Variants in ZFHX4 observed in about 807,000 individuals in gnomAD.
ZFHX4 encodes zinc finger homeobox 4.
In ZFHX4, 56 loss-of-function variants were observed where a neutral mutation model predicts 267.6. The ratio of observed to expected loss-of-function variants is 0.21; its 90% CI spans 0.17 to 0.26. The LOEUF is 0.26. Among genes scored for constraint, ZFHX4 ranks in the 10% least tolerant of loss-of-function variants. ZFHX4 has a pLI of 1.00. For missense variants in ZFHX4, 4,332 were observed against 4,420.0 expected (o/e 0.98, Z 0.56); for synonymous variants, 1,778 against 1,665.6 (o/e 1.07, Z -1.64).
chr8:76,746,698 A>G (rs1809467965), intron 3 of ZFHX4, among the ~76,000 whole-genome samples: 2 of 152,226 alleles, frequency 1.3e-5, no homozygotes, highest in Admixed American at 1.3e-4. Context: ...TTGCAGTCAA[A>G]TACCAGAACA....
chr8:76,738,604 T>C (rs139726786), intron 3 of ZFHX4, among the ~76,000 whole-genome samples: 5,533 of 143,422 alleles, frequency 0.039, 134 homozygotes, highest in Non-Finnish European at 0.056. Flanking sequence ...TTCTTTTTCC[T>C]TCCTTCCTTC....
chr8:76,772,997 A>G (rs1011781175), intron 3 of ZFHX4, among the ~76,000 whole-genome samples: 12 of 152,018 alleles, frequency 7.9e-5, no homozygotes, highest in African/African-American at 2.9e-4. Context: ...TCGTTGTATG[A>G]GGTTATATTT....
At chr8:76,842,880 C>T (rs1383861535) in intron 6 of ZFHX4, 109 bp downstream of exon 6, 1 of 718,956 alleles carries the variant, frequency 1.4e-6, no homozygotes, top group Non-Finnish European at 2.3e-6. Flanking sequence ...AGCTTTTATT[C>T]ATTTTAAACT....
At chr8:76,731,452 T>C (rs1809008673) in intron 3 of ZFHX4, among the ~76,000 whole-genome samples, 1 of 152,142 alleles carries the variant, frequency 6.6e-6, no homozygotes, top group South Asian at 2.1e-4. Context: ...CAGGTTATAG[T>C]TGAGAGTCAG....
intron 1 of ZFHX4, among the ~76,000 whole-genome samples, chr8:76,700,537 G>T (rs1416015818): frequency 6.6e-6 from 1 of 152,156 alleles, no homozygotes; most frequent in African/African-American, 2.4e-5. Flanking sequence ...CATTAGTCAG[G>T]CTCCTTGTAG....
intron 10 of ZFHX4, among the ~76,000 whole-genome samples, chr8:76,859,932 C>T (rs976544724): frequency 1.3e-5 from 2 of 152,004 alleles, no homozygotes; most frequent in African/African-American, 4.8e-5. Flanking sequence ...GAAAACCCAA[C>T]AAAATGATGG....
At chr8:76,779,422 C>T (rs145478034) in intron 4 of ZFHX4, among the ~76,000 whole-genome samples, 2 of 152,152 alleles carry the variant, frequency 1.3e-5, no homozygotes, top group African/African-American at 2.4e-5. Flanking sequence ...AGGTGAGAAG[C>T]GTCAAGGTCG....
chr8:76,726,906 A>G (rs1421644361), intron 3 of ZFHX4, among the ~76,000 whole-genome samples: 1 of 152,192 alleles, frequency 6.6e-6, no homozygotes, highest in East Asian at 1.9e-4. Context: ...TTCACTCAAC[A>G]GCATTCACAG....
chr8:76,856,219 G>A lies in ZFHX4; in HGVS notation c.9298G>A (p.Gly3100Arg), dbSNP rs755375756. ...CATCAGCCTGCCAACAGCCTACCCC[G>A]GACTCCCCGGCCTTCCTCCAGTCCT... ...HGISLPTAYP[G>R]LPGLPPVLLP... Residue 3100 changes from glycine (G) to arginine (R), a missense_variant, in exon 10 of 11, where the codon GGA becomes AGA. By Grantham distance (125) the Gly-to-Arg change is moderately radical (BLOSUM62 -2). This residue lies in a region of ZFHX4 where 1,648 missense variants were observed against 1,625.0 expected (regional missense o/e 1.01). Coordinates refer to ENST00000651372, the MANE Select transcript of ZFHX4 (RefSeq NM_024721.5). The A allele has an allele frequency of 4.3e-6, 7 of 1,613,736 alleles. No homozygotes were observed. Among genetic ancestry groups the A allele is most frequent in the Non-Finnish European group, 5.9e-6 (7 of 1,179,850 alleles).
intron 1 of ZFHX4, among the ~76,000 whole-genome samples, chr8:76,698,498 G>A (rs952454869): frequency 6.6e-6 from 1 of 152,066 alleles, no homozygotes; most frequent in African/African-American, 2.4e-5. Context: ...TATGTTTAAT[G>A]CTATGTAATA....
At chr8:76,748,588 C>A (rs1354906782) in intron 3 of ZFHX4, among the ~76,000 whole-genome samples, 3 of 152,142 alleles carry the variant, frequency 2.0e-5, no homozygotes, top group South Asian at 4.1e-4. Flanking sequence ...GCACACATCA[C>A]CATAACCTGG....
At chr8:76,753,838 G>A (rs1446259038) in intron 3 of ZFHX4, among the ~76,000 whole-genome samples, 2 of 152,096 alleles carry the variant, frequency 1.3e-5, no homozygotes, top group East Asian at 3.9e-4. Context: ...ATGTTGCCCA[G>A]GCTGGTCTTG....
At chr8:76,690,924 T>C (rs1416137888) in intron 1 of ZFHX4, among the ~76,000 whole-genome samples, 1 of 152,014 alleles carries the variant, frequency 6.6e-6, no homozygotes, top group Non-Finnish European at 1.5e-5. Context: ...ATTACCAAAA[T>C]GCCAGAGCCT....
At chr8:76,704,002 A>G (rs1808172931) in intron 1 of ZFHX4, 41 bp from the exon 2 acceptor site, 12 of 1,290,514 alleles carry the variant, frequency 9.3e-6, no homozygotes, top group African/African-American at 1.5e-5. Context: ...CTGTGTCATT[A>G]TTTAATAAAA....
chr8:76,753,648 T>C (rs1585910642), intron 3 of ZFHX4, among the ~76,000 whole-genome samples: 1 of 148,034 alleles, frequency 6.8e-6, no homozygotes, highest in African/African-American at 2.5e-5. Context: ...TTTTTTTTTT[T>C]TTTGGAGACA....
chr8:76,744,780 A>T (rs551899098), intron 3 of ZFHX4, among the ~76,000 whole-genome samples: 1 of 152,236 alleles, frequency 6.6e-6, no homozygotes, highest in East Asian at 1.9e-4. Context: ...TGAAAATGAA[A>T]TTATTTACTT....
chr8:76,851,806 A>C lies in ZFHX4; in HGVS notation c.4885A>C (p.Ser1629Arg). 6.2e-7 allele frequency: 1 copy of C among 1,613,998 alleles called. No homozygotes were observed. Among genetic ancestry groups the C allele is most frequent in the South Asian group, 1.1e-5 (1 of 91,084 alleles). ...GGCTAGGGCTGCAAAGCTGGAGCCC[A>C]GTGGTCATGTGGCTGGTGGGCACAG... ...TKARAAKLEP[S>R]GHVAGGHSIA... The change falls in exon 10 of 11, where the codon AGT (serine) becomes CGT (arginine). Residue 1629 changes from serine (S) to arginine (R), a missense_variant. Ser to Arg is a moderately radical substitution (Grantham distance 110, BLOSUM62 -1). Around this residue, in one of 7 missense-constraint regions of ZFHX4, gnomAD observed 1,371 missense variants for 1,423.1 expected, o/e 0.96. Transcript: ENST00000651372.
chr8:76,745,281 A>T (rs1161326988), intron 3 of ZFHX4, among the ~76,000 whole-genome samples: 3 of 152,172 alleles, frequency 2.0e-5, no homozygotes, highest in Non-Finnish European at 4.4e-5. Flanking sequence ...AATGGACATT[A>T]GTTGGAAAGC....
At chr8:76,758,548 G>T (rs1449222736) in intron 3 of ZFHX4, among the ~76,000 whole-genome samples, 2 of 152,146 alleles carry the variant, frequency 1.3e-5, no homozygotes, top group Admixed American at 1.3e-4. Flanking sequence ...AGGCTGGAGT[G>T]CAGTAGCACG....
Sources: allele counts gnomAD v4.1 joint callset (sites outside exome capture counted in the v4.1 genomes callset), GRCh38; gene constraint gnomAD v4.1.1; regional missense constraint gnomAD v4.1.1; transcripts MANE v1.5; gene names NCBI Gene and HGNC (gene_info 2026-07-23, HGNC 2026-07-21).